GRM8: variants seen among roughly 807,000 people sequenced by gnomAD.
The protein encoded by GRM8 is metabotropic glutamate receptor 8.
Under a neutral mutation model 87.2 loss-of-function variants are expected in GRM8, and 47 were observed. The observed-to-expected ratio is 0.54, with a 90% CI of 0.43 to 0.69. GRM8 has a LOEUF of 0.69. GRM8 is among the 30% of genes least tolerant of loss of function. GRM8 has a pLI of 0.00. For synonymous variants in GRM8, 396 were observed against 404.5 expected, an observed-to-expected ratio of 0.98 and a Z score of 0.25; for missense variants, 1,019 against 1,139.2, an observed-to-expected ratio of 0.89 and a Z score of 1.52.
At chr7:127,024,314 C>A (rs1816563610) in intron 3 of GRM8, among the ~76,000 whole-genome samples, 1 of 152,052 alleles carries the variant, frequency 6.6e-6, no homozygotes, top group African/African-American at 2.4e-5. Context: ...ATTTTAATAG[C>A]AATTATTTCA....
chr7:126,582,004 T>C (rs967573013), intron 8 of GRM8, among the ~76,000 whole-genome samples: 11 of 152,158 alleles, frequency 7.2e-5, no homozygotes, highest in Admixed American at 5.9e-4. Flanking sequence ...CTACCAACAC[T>C]ACAATGGCTT....
At chr7:126,987,036 G>T (rs899270352) in intron 3 of GRM8, among the ~76,000 whole-genome samples, 7 of 152,124 alleles carry the variant, frequency 4.6e-5, no homozygotes, top group Non-Finnish European at 1.0e-4. Context: ...ATCAATAAAT[G>T]GCAAAGTCAG....
At chr7:126,528,072 C>T (rs10259191) in intron 9 of GRM8, among the ~76,000 whole-genome samples, 3,703 of 152,102 alleles carry the variant, frequency 0.024, 147 homozygotes, top group African/African-American at 0.082. Flanking sequence ...GGAGTGGTGG[C>T]GTGTGCCTGT....
chr7:126,942,758 C>T (rs151195348), intron 3 of GRM8, among the ~76,000 whole-genome samples: 14 of 152,224 alleles, frequency 9.2e-5, no homozygotes, highest in East Asian at 1.9e-4. Context: ...TGAGACTCAC[C>T]GGTGCTAACC....
At chr7:126,658,507 T>C (rs558530886) in intron 7 of GRM8, among the ~76,000 whole-genome samples, 5 of 152,230 alleles carry the variant, frequency 3.3e-5, no homozygotes, top group African/African-American at 1.2e-4. Context: ...AGTTTGGGGA[T>C]GATAAATGTG....
At chr7:126,742,688 C>T (rs141005875) in intron 7 of GRM8, among the ~76,000 whole-genome samples, 72 of 152,068 alleles carry the variant, frequency 4.7e-4, no homozygotes, top group African/African-American at 1.7e-3. Flanking sequence ...TCCCGTAAGA[C>T]CTGACAAAAT....
intron 6 of GRM8, among the ~76,000 whole-genome samples, chr7:126,857,477 A>G (rs1797788785): frequency 6.6e-6 from 1 of 152,286 alleles, no homozygotes; most frequent in Non-Finnish European, 1.5e-5. Flanking sequence ...ACTTCCATTC[A>G]TAAACAAATG....
chr7:126,608,923 C>A (rs1362882120), intron 8 of GRM8, among the ~76,000 whole-genome samples: 1 of 152,102 alleles, frequency 6.6e-6, no homozygotes, highest in Non-Finnish European at 1.5e-5. Flanking sequence ...ACCACCACCC[C>A]TGGCTAATTT....
chr7:126,845,544 C>T (rs1202145259), intron 6 of GRM8, among the ~76,000 whole-genome samples: 1 of 152,100 alleles, frequency 6.6e-6, no homozygotes, highest in Non-Finnish European at 1.5e-5. Flanking sequence ...CTTTACACAC[C>T]ATAGCCTGAT....
chr7:126,987,453 T>G (rs1812199071), intron 3 of GRM8, among the ~76,000 whole-genome samples: 1 of 151,710 alleles, frequency 6.6e-6, no homozygotes, highest in Admixed American at 6.6e-5. Flanking sequence ...CAGTTTTTTT[T>G]TTTGTTTTTT....
intron 6 of GRM8, among the ~76,000 whole-genome samples, chr7:126,848,995 C>A (rs1796959890): frequency 6.6e-6 from 1 of 152,096 alleles, no homozygotes; most frequent in Non-Finnish European, 1.5e-5. Context: ...AGAGAGAGAA[C>A]TTGTGCAGGG....
chr7:127,201,155 T>A (rs1795564880), intron 2 of GRM8, among the ~76,000 whole-genome samples: 1 of 152,220 alleles, frequency 6.6e-6, no homozygotes, highest in Admixed American at 6.5e-5. Flanking sequence ...GGTCTCTTTT[T>A]ACAGATAAAG....
In GRM8 at chr7:126,790,268, G is replaced by A. The variant is rs1384066161; in HGVS notation, c.1157-20203C>T. Reference sequence around the variant, plus strand: ...AGTGGTCCACCCGCCTCAGCCTCCCGAAGTGCTGGAATTACAGGCATGAGC... The same window carrying A: ...AGTGGTCCACCCGCCTCAGCCTCCCAAAGTGCTGGAATTACAGGCATGAGC... On this transcript the variant is annotated intron_variant, in intron 6 of 10. Coordinates refer to ENST00000339582, the MANE Select transcript of GRM8 (RefSeq NM_000845.3). Among the ~76,000 whole-genome samples, 5 of 152,090 alleles carry A rather than the reference G, an allele frequency of 3.3e-5. No individual in the cohort carries two copies. In the South Asian group the frequency reaches 6.2e-4, roughly 19 times the overall value.
rs1585878038 is a variant in GRM8, at chr7:126,774,103, A to C, written c.1157-4038T>G. 2.0e-5 allele frequency among the ~76,000 whole-genome samples: 3 copies of C among 152,176 alleles called. No homozygotes were observed. The East Asian group carries it at 5.8e-4, about 29-fold the overall frequency. The stretch of plus-strand genomic sequence containing the variant: ...TGTAAGAATCTCCCCATAAATCAAC[A>C]TAAGCATATGGTGACAAACTGAAAG... On this transcript the variant is annotated intron_variant, in intron 6 of 10. Coordinates refer to ENST00000339582, the MANE Select transcript of GRM8 (RefSeq NM_000845.3).
At chr7:126,629,906 C>T (rs1209097068) in intron 7 of GRM8, among the ~76,000 whole-genome samples, 1 of 152,020 alleles carries the variant, frequency 6.6e-6, no homozygotes, top group South Asian at 2.1e-4. Flanking sequence ...TAGCATAATC[C>T]TTTCAGAAGC....
At chr7:127,153,836 CT>C (rs1424618924) in intron 2 of GRM8, among the ~76,000 whole-genome samples, 1 of 152,088 alleles carries the variant, frequency 6.6e-6, no homozygotes, top group Non-Finnish European at 1.5e-5. Context: ...TACTGGCCTT[CT>C]TTTAGGTTTG....
chr7:127,198,059 T>C (rs1008951154), intron 2 of GRM8, among the ~76,000 whole-genome samples: 8 of 152,326 alleles, frequency 5.3e-5, no homozygotes, highest in African/African-American at 1.9e-4. Flanking sequence ...AAATAGTTCA[T>C]TTGTTTAACC....
intron 3 of GRM8, among the ~76,000 whole-genome samples, chr7:127,100,955 A>G (rs1825186103): frequency 6.6e-6 from 1 of 152,282 alleles, no homozygotes; most frequent in Admixed American, 6.5e-5. Flanking sequence ...GCTTTGATCT[A>G]TATCTCAGTT....
chr7:126,597,553 A>G (rs1797323214), intron 8 of GRM8, among the ~76,000 whole-genome samples: 1 of 152,008 alleles, frequency 6.6e-6, no homozygotes, highest in Non-Finnish European at 1.5e-5. Flanking sequence ...TCTACTTGTT[A>G]TGTTAAAATT....
Sources: allele counts gnomAD v4.1 joint callset (sites outside exome capture counted in the v4.1 genomes callset), GRCh38; gene constraint gnomAD v4.1.1; transcripts MANE v1.5; gene names NCBI Gene and HGNC (gene_info 2026-07-23, HGNC 2026-07-21).